Variants in UMAD1 observed in about 807,000 individuals in gnomAD.
UMAD1 encodes the protein UBAP1-MVB12-associated (UMA)-domain containing protein 1.
A neutral mutation model predicts 6.1 loss-of-function variants in UMAD1; 8 were observed. The observed-to-expected ratio is 1.30, with a 90% confidence interval of 0.76 to 2.35. The LOEUF is 2.35. UMAD1 is among the 30% of genes most tolerant of loss of function. UMAD1 has a pLI of 0.00. For missense variants in UMAD1, 130 were observed against 78.4 expected, an observed-to-expected ratio of 1.66 and a Z score of -2.49; for synonymous variants, 56 against 31.4, an observed-to-expected ratio of 1.78 and a Z score of -2.61.
At chr7:7,859,398 C>A (rs1409855950) in intron 3 of UMAD1, among the ~76,000 whole-genome samples, 1 of 152,126 alleles carries the variant, frequency 6.6e-6, no homozygotes, top group African/African-American at 2.4e-5. Context: ...TTATATGAGT[C>A]CTTCACATAA....
intron 2 of UMAD1, among the ~76,000 whole-genome samples, chr7:7,789,372 T>C (rs1017165440): frequency 2.1e-5 from 3 of 146,228 alleles, no homozygotes; most frequent in Non-Finnish European, 4.4e-5. Flanking sequence ...TATTATAACA[T>C]CTGTATGAAA....
chr7:7,875,866 C>T (rs575197247), intron 3 of UMAD1, among the ~76,000 whole-genome samples: 47 of 152,156 alleles, frequency 3.1e-4, no homozygotes, highest in African/African-American at 1.1e-3. Flanking sequence ...CGCTTGAGTC[C>T]AGGAGTTCAA....
intron 2 of UMAD1, among the ~76,000 whole-genome samples, chr7:7,710,115 A>G (rs993683241): frequency 6.6e-6 from 1 of 152,136 alleles, no homozygotes; most frequent in African/African-American, 2.4e-5. Context: ...ATATTGCTCT[A>G]TGTATCTTTA....
At chr7:7,799,717 G>C (rs1250413831) in intron 2 of UMAD1, among the ~76,000 whole-genome samples, 1 of 152,218 alleles carries the variant, frequency 6.6e-6, no homozygotes, top group Non-Finnish European at 1.5e-5. Flanking sequence ...TCTCATGCCT[G>C]TAGCTAAGCA....
chr7:7,805,710 A>T (rs1013196064), intron 3 of UMAD1, among the ~76,000 whole-genome samples: 2 of 152,028 alleles, frequency 1.3e-5, no homozygotes, highest in Non-Finnish European at 1.5e-5. Flanking sequence ...CTGTCTCTTG[A>T]TGATGTTAAG....
At chr7:7,745,170 G>C (rs73352777) in intron 2 of UMAD1, among the ~76,000 whole-genome samples, 7,708 of 152,268 alleles carry the variant, frequency 0.051, 679 homozygotes, top group African/African-American at 0.18. Context: ...TCATCATAAA[G>C]GTCTTCATTC....
At chr7:7,663,249 TTTGAAGCAA>T (rs1785520818) in intron 1 of UMAD1, among the ~76,000 whole-genome samples, 1 of 151,292 alleles carries the variant, frequency 6.6e-6, no homozygotes, top group African/African-American at 2.4e-5. Context: ...GAACTTGCAG[TTTGAAGCAA>T]ACACCTAAAT....
intron 1 of UMAD1, among the ~76,000 whole-genome samples, chr7:7,664,897 T>C (rs989619995): frequency 5.3e-5 from 8 of 152,200 alleles, no homozygotes; most frequent in Non-Finnish European, 8.8e-5. Context: ...CATTTCACTG[T>C]ACAAAAGGAG....
At chr7:7,756,946 T>G (rs758878280) in intron 2 of UMAD1, among the ~76,000 whole-genome samples, 3 of 152,238 alleles carry the variant, frequency 2.0e-5, no homozygotes, top group Non-Finnish European at 4.4e-5. Flanking sequence ...GGTACCTGCT[T>G]GCCTGAGAGG....
chr7:7,874,014 C>T (rs1784374343), intron 3 of UMAD1, among the ~76,000 whole-genome samples: 1 of 152,176 alleles, frequency 6.6e-6, no homozygotes, highest in African/African-American at 2.4e-5. Flanking sequence ...GTCCGCTAGG[C>T]ACTGAAACTT....
At chr7:7,822,439 T>A (rs762908139) in intron 3 of UMAD1, among the ~76,000 whole-genome samples, 2 of 152,098 alleles carry the variant, frequency 1.3e-5, no homozygotes, top group Non-Finnish European at 2.9e-5. Flanking sequence ...TGGGCAATCT[T>A]TTGTATATCA....
chr7:7,854,587 T>G (rs533720318), intron 3 of UMAD1, among the ~76,000 whole-genome samples: 89 of 152,128 alleles, frequency 5.9e-4, no homozygotes, highest in Admixed American at 1.4e-3. Context: ...CATGATTCAA[T>G]TACCTCCCAC....
intron 2 of UMAD1, chr7:7,685,906 A>T (rs1278020803): frequency 6.6e-6 from 1 of 152,206 alleles, no homozygotes; most frequent in Non-Finnish European, 1.5e-5. Context: ...TGATTGTAGT[A>T]ATCAGTAAGT....
At chr7:7,691,180 A>G (rs1292059401) in intron 2 of UMAD1, among the ~76,000 whole-genome samples, 8 of 152,334 alleles carry the variant, frequency 5.3e-5, no homozygotes, top group Middle Eastern at 3.4e-3. Context: ...TTTTCATTCC[A>G]AAATTTTCCT....
At position 7,676,443 on chromosome 7, in the gene UMAD1, C is replaced by G. The variant is rs561859857; in HGVS notation, c.82+2990C>G. On this transcript the variant is annotated intron_variant, in intron 2 of 3. Transcript: ENST00000682710. ...GGAATTAGCCCAGGCAATCTGACTT[C>G]AGAACCTATCCTCTAAACCACTGAA... Among the ~76,000 whole-genome samples, 3 of 152,318 alleles carry G rather than the reference C, an allele frequency of 2.0e-5. No individual in the cohort carries two copies. In the South Asian group the frequency reaches 6.2e-4, roughly 32 times the overall value.
intron 3 of UMAD1, among the ~76,000 whole-genome samples, chr7:7,855,110 GGGTACAGCCC>G (rs1783991194): frequency 6.6e-6 from 1 of 152,238 alleles, no homozygotes; most frequent in Non-Finnish European, 1.5e-5. Flanking sequence ...TGGCTTTGCA[GGGTACAGCCC>G]CTCCCAGCTG....
At chr7:7,694,337 T>C (rs1780254210) in intron 2 of UMAD1, among the ~76,000 whole-genome samples, 1 of 152,146 alleles carries the variant, frequency 6.6e-6, no homozygotes, top group Non-Finnish European at 1.5e-5. Context: ...GTAAATGGGA[T>C]ATCCATCACG....
At chr7:7,865,507 A>G (rs17562193) in intron 3 of UMAD1, among the ~76,000 whole-genome samples, 14,334 of 152,206 alleles carry the variant, frequency 0.094, 829 homozygotes, top group Middle Eastern at 0.16. Flanking sequence ...TCCTTACAGA[A>G]AAAAATCCCT....
chr7:7,805,928 A>G (rs1016247678), intron 3 of UMAD1, among the ~76,000 whole-genome samples: 1 of 152,150 alleles, frequency 6.6e-6, no homozygotes, highest in Non-Finnish European at 1.5e-5. Context: ...GCTTCTCCTG[A>G]CTAGAATGAA....
Sources: gnomAD v4.1 joint callset for allele counts (sites outside exome capture counted in the v4.1 genomes callset) on GRCh38, gnomAD v4.1.1 for gene constraint, MANE v1.5 for transcripts, NCBI Gene and HGNC (gene_info 2026-07-23, HGNC 2026-07-21) for gene names.